Variants in IKZF3 observed in about 807,000 individuals in gnomAD.
The protein encoded by IKZF3 is zinc finger protein Aiolos.
A neutral mutation model predicts 49.0 loss-of-function variants in IKZF3; 10 were observed. The ratio of observed to expected loss-of-function variants is 0.20; its 90% CI spans 0.13 to 0.35. The LOEUF is 0.35. IKZF3 is among the 10% of genes least tolerant of loss of function. The pLI is 1.00. For missense variants in IKZF3, 498 were observed against 664.8 expected, an observed-to-expected ratio of 0.75 and a Z score of 2.76; for synonymous variants, 209 against 228.2, an observed-to-expected ratio of 0.92 and a Z score of 0.76.
intron 1 of IKZF3, chr17:39,835,439 C>T (rs1275087161): frequency 2.2e-6 from 1 of 465,050 alleles, no homozygotes; most frequent in Non-Finnish European, 4.3e-6. Context: ...CCTTTGAGGC[C>T]CTCTGTCTCA....
At chr17:39,790,819 G>A (rs1273439162) in intron 5 of IKZF3, among the ~76,000 whole-genome samples, 2 of 151,854 alleles carry the variant, frequency 1.3e-5, no homozygotes, top group African/African-American at 4.8e-5. Flanking sequence ...ACTTTGGGAG[G>A]TCAAAGTGGG....
intron 1 of IKZF3, among the ~76,000 whole-genome samples, chr17:39,849,891 A>C (rs1280712243): frequency 1.3e-5 from 2 of 151,736 alleles, no homozygotes; most frequent in East Asian, 3.8e-4. Context: ...GATGTGGAAC[A>C]AGTATAACTC....
intron 3 of IKZF3, among the ~76,000 whole-genome samples, chr17:39,821,109 G>GA (rs2144199654): frequency 6.6e-6 from 1 of 152,230 alleles, no homozygotes; most frequent in African/African-American, 2.4e-5. Context: ...AAGGATGTGG[G>GA]AACACTCAAA....
At position 39,862,967 on chromosome 17, in the gene IKZF3, C is replaced by T. The variant is rs547082283; in HGVS notation, c.7+1153G>A. On this transcript the variant is annotated intron_variant, in intron 1 of 7. Coordinates refer to ENST00000346872, the MANE Select transcript of IKZF3 (RefSeq NM_012481.5). ...TTATCCTTGATACGTGGTATGGTTA[C>T]GGCTAGGAAAAATAGTGTTGGAGTA... is the stretch of plus-strand genomic sequence containing the variant. Among the ~76,000 whole-genome samples, 10 of 152,146 alleles carry T rather than the reference C, an allele frequency of 6.6e-5. No individual in the cohort carries two copies. The South Asian group carries it at 1.9e-3, about 28-fold the overall frequency.
intron 3 of IKZF3, among the ~76,000 whole-genome samples, chr17:39,797,767 C>G (rs780888835): frequency 6.6e-6 from 1 of 152,142 alleles, no homozygotes; most frequent in South Asian, 2.1e-4. Context: ...TCTTTCCTTG[C>G]CTTTCTGATT....
At chr17:39,850,421 T>C (rs1455155658) in intron 1 of IKZF3, among the ~76,000 whole-genome samples, 1 of 132,710 alleles carries the variant, frequency 7.5e-6, no homozygotes, top group Non-Finnish European at 1.5e-5. Context: ...ATATAGCATA[T>C]TGTATGTATA....
At position 39,821,705 on chromosome 17, in the gene IKZF3, G is replaced by C. The variant is rs1228222947; in HGVS notation, c.163+7682C>G. 2.6e-5 allele frequency among the ~76,000 whole-genome samples: 4 copies of C among 152,144 alleles called. No individual in the cohort carries two copies. In the East Asian group the frequency reaches 7.7e-4, roughly 29 times the overall value. On this transcript the variant is annotated intron_variant, in intron 3 of 7. Transcript: ENST00000346872. ...CTGAACTTCGGATGCTAGACCCAAA[G>C]CTGCCTCTAATGGAAAAAATATGTG...
chr17:39,836,564 A>C (rs2062289766), intron 1 of IKZF3, among the ~76,000 whole-genome samples: 1 of 152,214 alleles, frequency 6.6e-6, no homozygotes, highest in Admixed American at 6.5e-5. Flanking sequence ...TGTCATTCAG[A>C]TCTATGGATA....
intron 1 of IKZF3, among the ~76,000 whole-genome samples, chr17:39,861,950 G>T (rs748803505): frequency 1.8e-4 from 28 of 152,018 alleles, no homozygotes; most frequent in Non-Finnish European, 3.5e-4. Flanking sequence ...AAATAAAAAT[G>T]TTTTACATTA....
chr17:39,822,562 C>T (rs2061838367), intron 3 of IKZF3, among the ~76,000 whole-genome samples: 1 of 151,852 alleles, frequency 6.6e-6, no homozygotes, highest in South Asian at 2.1e-4. Flanking sequence ...TATAAATTAC[C>T]CAGTCTTGGG....
intron 3 of IKZF3, among the ~76,000 whole-genome samples, chr17:39,797,408 A>G (rs1186315897): frequency 2.7e-5 from 4 of 148,070 alleles, no homozygotes; most frequent in Non-Finnish European, 3.0e-5. Context: ...CTGCACTCCT[A>G]TGTCTTTTCT....
chr17:39,767,639 A>AAAG (rs545052998), intron 7 of IKZF3, among the ~76,000 whole-genome samples: 1 of 152,220 alleles, frequency 6.6e-6, no homozygotes, highest in Non-Finnish European at 1.5e-5. Flanking sequence ...CAATGAAAAT[A>AAAG]AAGAAGAAGA....
At chr17:39,807,453 G>A (rs2061454509) in intron 3 of IKZF3, among the ~76,000 whole-genome samples, 1 of 148,200 alleles carries the variant, frequency 6.7e-6, no homozygotes, top group Admixed American at 6.8e-5. Flanking sequence ...CTGGAGTGCA[G>A]CGGCATGATC....
Position 39,764,972 on chromosome 17 carries a change from A to G in IKZF3, c.*818T>C, listed in dbSNP as rs1176690082. The G allele has an allele frequency of 1.3e-5, 2 of 152,342 alleles. No homozygotes were observed. Among genetic ancestry groups the G allele is most frequent in the East Asian group, 3.7e-4 (2 of 5,342 alleles). 9.4% of individuals were successfully genotyped at this position (152,342 alleles called of 1,614,324 possible). A position where few individuals can be genotyped will look rare whatever the true frequency, so the allele number is the denominator to read the frequency against. On this transcript the variant is annotated 3_prime_UTR_variant, in exon 8 of 8. Transcript: ENST00000346872. ...TGTTTTCTGTTGGTGCTGCCAAACA[A>G]TTTCCCCCTTTATACCCTTGCTCTG...
chr17:39,857,977 A>C (rs2063112898), intron 1 of IKZF3, among the ~76,000 whole-genome samples: 1 of 148,374 alleles, frequency 6.7e-6, no homozygotes, highest in African/African-American at 2.5e-5. Context: ...AAAAAAAAAA[A>C]GAGAGAGAGA....
At chr17:39,826,417 C>G (rs1475930194) in intron 3 of IKZF3, among the ~76,000 whole-genome samples, 1 of 152,188 alleles carries the variant, frequency 6.6e-6, no homozygotes, top group Admixed American at 6.5e-5. Context: ...AAGGTAAAAA[C>G]AAATCAGCTT....
chr17:39,825,365 A>C (rs1258054142), intron 3 of IKZF3, among the ~76,000 whole-genome samples: 5 of 152,214 alleles, frequency 3.3e-5, no homozygotes, highest in Non-Finnish European at 5.9e-5. Context: ...TGTGCTATGC[A>C]AGATCACAGG....
At chr17:39,798,222 C>T (rs934893621) in intron 3 of IKZF3, among the ~76,000 whole-genome samples, 16 of 152,312 alleles carry the variant, frequency 1.1e-4, no homozygotes, top group African/African-American at 3.8e-4. Flanking sequence ...CCTTTCCAGC[C>T]CGTCTTGTTT....
chr17:39,772,052 A>G (rs931167710), intron 7 of IKZF3, among the ~76,000 whole-genome samples: 5 of 152,028 alleles, frequency 3.3e-5, no homozygotes, highest in Non-Finnish European at 7.4e-5. Context: ...CTGGCCTACA[A>G]TGTGTATTTT....
Sources: gnomAD v4.1 joint callset for allele counts (sites outside exome capture counted in the v4.1 genomes callset) on GRCh38, gnomAD v4.1.1 for gene constraint, MANE v1.5 for transcripts, NCBI Gene and HGNC (gene_info 2026-07-23, HGNC 2026-07-21) for gene names.